The following COL21A1 variants were observed in gnomAD, a reference collection of about 807,000 sequenced individuals.
COL21A1 encodes collagen type XXI alpha 1 chain, also known as collagen alpha-1(XXI) chain.
Under a neutral mutation model 137.9 loss-of-function variants are expected in COL21A1, and 149 were observed. The ratio of observed to expected loss-of-function variants is 1.08; its 90% CI spans 0.95 to 1.24. The LOEUF (loss-of-function observed/expected upper bound fraction) is 1.24. Ranked by LOEUF, COL21A1 falls within the 50% of genes most tolerant of loss-of-function variation. The pLI is 0.00. For missense variants in COL21A1, 1,167 were observed against 1,158.4 expected, an observed-to-expected ratio of 1.01 and a Z score of -0.11; for synonymous variants, 456 against 391.5, an observed-to-expected ratio of 1.16 and a Z score of -1.95.
Position 56,166,936 on chromosome 6 carries a change from G to A in COL21A1, c.1248C>T (p.Asn416=), listed in dbSNP as rs1464267243. The A allele has an allele frequency of 1.2e-6, 2 of 1,612,594 alleles. No individual in the cohort carries two copies. Among genetic ancestry groups the A allele is most frequent in the East Asian group, 2.2e-5 (1 of 44,844 alleles). The stretch of plus-strand genomic sequence containing the variant: ...CAGGAATCTCACATGCTGTCTCCCG[G>A]TTGTTCTGTTCTGGGTCACAGTAGA... The part of the protein sequence containing the change: ...LRIYCDPEQN[N]RETACEIPGF... The change falls in exon 7 of 30, where the codon AAC becomes AAT. Residue 416 remains asparagine (N), a synonymous_variant. Coordinates refer to ENST00000244728, the MANE Select transcript of COL21A1 (RefSeq NM_030820.4).
chr6:56,298,189 T>C (rs1764203017), intron 1 of COL21A1, among the ~76,000 whole-genome samples: 2 of 151,524 alleles, frequency 1.3e-5, no homozygotes, highest in South Asian at 4.2e-4. Flanking sequence ...GTGAAGGGAA[T>C]ACTCCGGAAG....
intron 24 of COL21A1, among the ~76,000 whole-genome samples, chr6:56,061,975 T>C (rs1765839048): frequency 1.3e-5 from 2 of 152,116 alleles, no homozygotes; most frequent in African/African-American, 4.8e-5. Flanking sequence ...TTCTACTGAA[T>C]TTAAAATATA....
intron 1 of COL21A1, among the ~76,000 whole-genome samples, chr6:56,304,215 C>T (rs996028633): frequency 8.6e-5 from 13 of 151,742 alleles, no homozygotes; most frequent in East Asian, 3.9e-4. Flanking sequence ...TGTCTCTGCC[C>T]AGCTTTGGTA....
At chr6:56,146,023 A>G (rs1774807869) in intron 10 of COL21A1, among the ~76,000 whole-genome samples, 1 of 152,156 alleles carries the variant, frequency 6.6e-6, no homozygotes, top group African/African-American at 2.4e-5. Flanking sequence ...CAAATGTGCA[A>G]GGGTCACCAA....
intron 10 of COL21A1, among the ~76,000 whole-genome samples, chr6:56,146,767 G>T (rs1301263325): frequency 6.6e-6 from 1 of 152,058 alleles, no homozygotes. Context: ...AATGGTAGAC[G>T]AGGTTATCTG....
chr6:56,172,086 A>C (rs1777112261), intron 3 of COL21A1, among the ~76,000 whole-genome samples: 2 of 150,620 alleles, frequency 1.3e-5, no homozygotes, highest in African/African-American at 4.9e-5. Flanking sequence ...AAAAAAGAAG[A>C]GGGTGAAAAG....
chr6:56,189,934 C>T (rs1345516575), intron 1 of COL21A1, among the ~76,000 whole-genome samples: 1 of 152,116 alleles, frequency 6.6e-6, no homozygotes, highest in Non-Finnish European at 1.5e-5. Flanking sequence ...GATTTTATCA[C>T]CACCAGGTCT....
At chr6:56,339,618 G>A (rs760471476) in intron 1 of COL21A1, among the ~76,000 whole-genome samples, 18 of 152,178 alleles carry the variant, frequency 1.2e-4, no homozygotes, top group Non-Finnish European at 1.5e-4. Context: ...TCATTAAAGC[G>A]ACTCAGTTCA....
intron 5 of COL21A1, among the ~76,000 whole-genome samples, chr6:56,169,002 A>AC (rs1561940560): frequency 6.6e-6 from 1 of 151,784 alleles, no homozygotes; most frequent in Non-Finnish European, 1.5e-5. Context: ...AACTTGAACT[A>AC]CCCCCCAGAG....
chr6:56,331,444 T>A (rs1022391980), intron 1 of COL21A1, among the ~76,000 whole-genome samples: 1 of 152,042 alleles, frequency 6.6e-6, no homozygotes, highest in Non-Finnish European at 1.5e-5. Context: ...CCATCTTGAG[T>A]TAATTTTTTA....
At chr6:56,060,281 T>G in intron 27 of COL21A1, 63 bp from the exon 28 acceptor site, 1 of 1,356,160 alleles carries the variant, frequency 7.4e-7, no homozygotes, top group Non-Finnish European at 1.0e-6. Flanking sequence ...TAATTATATT[T>G]TTAATTTTTT....
At chr6:56,388,174 A>C (rs2094021941) in intron 1 of COL21A1, among the ~76,000 whole-genome samples, 1 of 152,234 alleles carries the variant, frequency 6.6e-6, no homozygotes, top group African/African-American at 2.4e-5. Context: ...AGAAGGAAAT[A>C]CACTGCCCTG....
rs145425378 is a variant in COL21A1, at chr6:56,067,245, A to G, written c.2127+50T>C. The G allele has an allele frequency of 1.1e-4, 158 of 1,460,682 alleles. 2 individuals are homozygous for G. In the East Asian group the frequency reaches 2.9e-3, roughly 26 times the overall value. 90.5% of individuals were successfully genotyped at this position (1,460,682 alleles called of 1,614,324 possible). ...TTAAAAGTAAAATAAGAACTTTTTA[A>G]AAGCTCTGATTTTATTGCTCAGCCT... On this transcript the variant is annotated intron_variant, in intron 23 of 29. Coordinates refer to ENST00000244728, the MANE Select transcript of COL21A1 (RefSeq NM_030820.4).
At chr6:56,360,090 T>C (rs1414319478) in intron 1 of COL21A1, among the ~76,000 whole-genome samples, 1 of 152,212 alleles carries the variant, frequency 6.6e-6, no homozygotes, top group Non-Finnish European at 1.5e-5. Context: ...TTTTAAATCA[T>C]TCTCCTGGAA....
rs768116680 is a variant in COL21A1, at chr6:56,171,009, T to C, written c.760A>G (p.Ile254Val). The C allele has an allele frequency of 3.1e-6, 5 of 1,607,924 alleles. No homozygotes were observed. Among genetic ancestry groups the C allele is most frequent in the South Asian group, 2.2e-5 (2 of 89,698 alleles). Residue 254 changes from isoleucine to valine, a missense_variant, in exon 4 of 30, where the codon ATA (isoleucine) becomes GTA (valine). By Grantham distance (29) the Ile-to-Val change is conservative. Coordinates refer to ENST00000244728, the MANE Select transcript of COL21A1 (RefSeq NM_030820.4). ...KKRIQLSPKK[I>V]KGYEVTSKVD... ...TTTGATGTTACTTCATATCCTTTTA[T>C]CTTTTTTGGTGAAAGCTGTATTCTT...
intron 1 of COL21A1, among the ~76,000 whole-genome samples, chr6:56,347,227 T>C (rs1765615489): frequency 6.6e-6 from 1 of 152,132 alleles, no homozygotes; most frequent in East Asian, 1.9e-4. Context: ...CTTCCCTCTG[T>C]GGCTTGGGAG....
chr6:56,083,411 C>T (rs913156795), intron 17 of COL21A1, among the ~76,000 whole-genome samples: 14 of 151,934 alleles, frequency 9.2e-5, no homozygotes, highest in African/African-American at 3.1e-4. Flanking sequence ...TTGCCCCATT[C>T]CTGCTCTGTA....
intron 1 of COL21A1, among the ~76,000 whole-genome samples, chr6:56,304,352 C>T (rs1764381784): frequency 6.6e-6 from 1 of 151,906 alleles, no homozygotes; most frequent in Non-Finnish European, 1.5e-5. Flanking sequence ...GCTGTGAATC[C>T]ATCTGGTCCT....
intron 1 of COL21A1, among the ~76,000 whole-genome samples, chr6:56,259,908 C>A (rs1763210737): frequency 1.3e-5 from 2 of 152,178 alleles, no homozygotes; most frequent in South Asian, 4.1e-4. Context: ...GCCAGTTCAG[C>A]CTTTGCTTTC....
Sources: allele counts gnomAD v4.1 joint callset (sites outside exome capture counted in the v4.1 genomes callset), GRCh38; gene constraint gnomAD v4.1.1; transcripts MANE v1.5; gene names NCBI Gene and HGNC (gene_info 2026-07-23, HGNC 2026-07-21).